The following RYR2 variants were observed in gnomAD, a reference collection of about 807,000 sequenced individuals.
The protein encoded by RYR2 is ryanodine receptor 2, also known as cardiac muscle ryanodine receptor-calcium release channel.
In RYR2, 227 loss-of-function variants were observed where a neutral mutation model predicts 601.1. The observed-to-expected ratio is 0.38, with a 90% CI of 0.34 to 0.42. The LOEUF (loss-of-function observed/expected upper bound fraction) is 0.42, where lower values mean the gene tolerates loss of function less well. Ranked by LOEUF, RYR2 falls within the 10% of genes least tolerant of loss-of-function variation. The probability of loss-of-function intolerance (pLI) is 1.00; values close to 1 mark genes in which losing one functional copy is unlikely to be tolerated. For synonymous variants in RYR2, 2,223 were observed against 2,175.1 expected (o/e 1.02, Z -0.61); for missense variants, 4,646 against 6,156.5 (o/e 0.75, Z 8.21).
intron 1 of RYR2, among the ~76,000 whole-genome samples, chr1:237,099,012 G>A (rs542445315): frequency 4.3e-4 from 66 of 152,178 alleles, no homozygotes; most frequent in African/African-American, 1.4e-3. Context: ...CAACCACTGC[G>A]CTTCTCACCT....
chr1:237,597,501 C>T lies in RYR2; in HGVS notation c.4596+1844C>T, dbSNP rs146523877. ...TTCACGATGTTGGCCAGGATGGTCT[C>T]GATCTCCTGACCTTGTGATCCGCTC... On this transcript the variant is annotated intron_variant, in intron 34 of 104. Coordinates refer to ENST00000366574, the MANE Select transcript of RYR2 (RefSeq NM_001035.3). Among the ~76,000 whole-genome samples the T allele has an allele frequency of 3.5e-3, 531 of 151,574 alleles. 1 individual carries two copies. The highest frequency in any genetic ancestry group is 0.012 in the African/African-American group (496 of 41,300).
intron 1 of RYR2, among the ~76,000 whole-genome samples, chr1:237,066,035 C>A (rs1208042342): frequency 6.6e-6 from 1 of 152,198 alleles, no homozygotes; most frequent in Non-Finnish European, 1.5e-5. Context: ...TTGGGGATTA[C>A]AATTTGACAT....
At chr1:237,434,251 T>C (rs1707126000) in intron 12 of RYR2, among the ~76,000 whole-genome samples, 2 of 152,184 alleles carry the variant, frequency 1.3e-5, no homozygotes, top group African/African-American at 4.8e-5. Context: ...ATAAGGAGCA[T>C]TTCCTCAATT....
chr1:237,464,432 T>C (rs1360496552), intron 16 of RYR2, among the ~76,000 whole-genome samples: 2 of 152,138 alleles, frequency 1.3e-5, no homozygotes, highest in Non-Finnish European at 2.9e-5. Flanking sequence ...ACAGAATTTA[T>C]TGCTGGTTCA....
Position 237,783,872 on chromosome 1 carries a change from A to G in RYR2, c.12160A>G (p.Ser4054Gly), listed in dbSNP as rs376781046. ...SKRDFHKAMESHKHYTQSETE... is the reference protein window; with the variant it reads ...SKRDFHKAMEGHKHYTQSETE... ...GAGGGACTTCCACAAAGCGATGGAG[A>G]GCCATAAGCACTACACGCAGTCAGA... Residue 4054 changes from serine (S) to glycine (G), a missense_variant, in exon 90 of 105, where the codon AGC becomes GGC. Physicochemically the swap from Ser to Gly is moderately conservative, Grantham distance 56. Coordinates refer to ENST00000366574, the MANE Select transcript of RYR2 (RefSeq NM_001035.3). 5 of 1,613,708 alleles carry G rather than the reference A, an allele frequency of 3.1e-6. No individual in the cohort carries two copies. The highest frequency in any genetic ancestry group is 4.5e-5 in the East Asian group (2 of 44,856).
intron 10 of RYR2, among the ~76,000 whole-genome samples, chr1:237,410,882 A>G (rs1012329940): frequency 1.3e-5 from 2 of 152,196 alleles, no homozygotes; most frequent in African/African-American, 4.8e-5. Context: ...TTTAATCTAT[A>G]TAATGTATGC....
At chr1:237,245,049 TAA>T (rs67784248) in intron 1 of RYR2, among the ~76,000 whole-genome samples, 1 of 149,722 alleles carries the variant, frequency 6.7e-6, no homozygotes, top group African/African-American at 2.5e-5. Flanking sequence ...CTCTAAAAAA[TAA>T]AAAAAAAATA....
chr1:237,114,598 T>G (rs1343806907), intron 1 of RYR2, among the ~76,000 whole-genome samples: 1 of 152,208 alleles, frequency 6.6e-6, no homozygotes, highest in Non-Finnish European at 1.5e-5. Context: ...GAAATCCTTT[T>G]AGAAATCATA....
At chr1:237,240,352 T>G (rs563478703) in intron 1 of RYR2, among the ~76,000 whole-genome samples, 125 of 152,262 alleles carry the variant, frequency 8.2e-4, no homozygotes, top group African/African-American at 2.9e-3. Flanking sequence ...TAATTCTCAT[T>G]GTGACCCTTG....
At position 237,404,643 on chromosome 1, in the gene RYR2, G is replaced by A. The variant is rs150436999; in HGVS notation, c.774-12406G>A. 6.6e-5 allele frequency among the ~76,000 whole-genome samples: 10 copies of A among 152,172 alleles called. No homozygotes were observed. In the South Asian group the frequency reaches 1.0e-3, roughly 16 times the overall value. On this transcript the variant is annotated intron_variant, in intron 10 of 104. Coordinates refer to ENST00000366574, the MANE Select transcript of RYR2 (RefSeq NM_001035.3). ...TGTGTGATGGGACTGGGTATATGAC[G>A]GACTTCATTCCCATGACTAGATTAC... is the stretch of plus-strand genomic sequence containing the variant.
chr1:237,632,590 G>A (rs1030401276), intron 42 of RYR2, among the ~76,000 whole-genome samples: 4 of 151,722 alleles, frequency 2.6e-5, no homozygotes, highest in African/African-American at 7.3e-5. Flanking sequence ...TAGAAATGGG[G>A]TTTCGCCATG....
At chr1:237,667,999 C>T (rs1684472435) in intron 58 of RYR2, 41 bp downstream of exon 58, 1 of 1,478,558 alleles carries the variant, frequency 6.8e-7, no homozygotes, top group Non-Finnish European at 9.2e-7. Context: ...ATAATCTGAG[C>T]TCAATTCCAT....
intron 1 of RYR2, among the ~76,000 whole-genome samples, chr1:237,144,996 G>A (rs1304718725): frequency 6.6e-6 from 1 of 150,442 alleles, no homozygotes; most frequent in East Asian, 2.0e-4. Flanking sequence ...GAACCCTGTA[G>A]TTTAGCTCTG....
intron 2 of RYR2, among the ~76,000 whole-genome samples, chr1:237,278,245 A>ATTTTTTTTTTTTTTTTTTTTT (rs71561863): frequency 1.5e-5 from 1 of 67,000 alleles, no homozygotes; most frequent in Non-Finnish European, 2.7e-5. Context: ...TAATTTTTGT[A>ATTTTTTTTTTTTTTTTTTTTT]TTTTTTTTTT....
intron 1 of RYR2, among the ~76,000 whole-genome samples, chr1:237,215,851 G>A (rs1159225747): frequency 6.6e-6 from 1 of 152,100 alleles, no homozygotes; most frequent in Non-Finnish European, 1.5e-5. Context: ...TAAGCCTAGG[G>A]ACTGAACTTT....
intron 4 of RYR2, among the ~76,000 whole-genome samples, chr1:237,362,876 C>T (rs950185304): frequency 2.6e-5 from 4 of 152,064 alleles, no homozygotes; most frequent in Non-Finnish European, 5.9e-5. Context: ...TCTATTTTGT[C>T]GTGTATGCAG....
chr1:237,071,737 T>A (rs1051774823), intron 1 of RYR2, among the ~76,000 whole-genome samples: 3 of 152,192 alleles, frequency 2.0e-5, no homozygotes, highest in Non-Finnish European at 4.4e-5. Flanking sequence ...GGAACCTGTT[T>A]GCCCCCTGTG....
chr1:237,638,659 T>C (rs1191207035), intron 45 of RYR2, among the ~76,000 whole-genome samples, 167 bp downstream of exon 45: 1 of 152,264 alleles, frequency 6.6e-6, no homozygotes, highest in East Asian at 1.9e-4. Context: ...AATATTTGTT[T>C]ACATACTTCT....
chr1:237,559,536 G>A (rs1180751552), intron 27 of RYR2, among the ~76,000 whole-genome samples: 2 of 152,160 alleles, frequency 1.3e-5, no homozygotes, highest in African/African-American at 4.8e-5. Context: ...ATGAGACGCT[G>A]TGCCCAGCCT....
Sources: gnomAD v4.1 joint callset for allele counts (sites outside exome capture counted in the v4.1 genomes callset) on GRCh38, gnomAD v4.1.1 for gene constraint, MANE v1.5 for transcripts, NCBI Gene and HGNC (gene_info 2026-07-23, HGNC 2026-07-21) for gene names.